The following DMXL2 variants were observed in gnomAD, a reference collection of about 807,000 sequenced individuals.
The protein encoded by DMXL2 is Dmx like 2.
A neutral mutation model predicts 331.1 loss-of-function variants in DMXL2; 103 were observed. The observed-to-expected ratio is 0.31, with a 90% CI of 0.27 to 0.37. The LOEUF (loss-of-function observed/expected upper bound fraction) is 0.37, where lower values mean the gene tolerates loss of function less well. Among genes scored for constraint, DMXL2 ranks in the 10% least tolerant of loss-of-function variants. The pLI, the probability that DMXL2 is intolerant of heterozygous loss-of-function variation, is 1.00. For synonymous variants in DMXL2, 1,281 were observed against 1,252.1 expected (o/e 1.02, Z -0.49); for missense variants, 3,171 against 3,642.9 (o/e 0.87, Z 3.33).
At chr15:51,469,022 C>A (rs1239995697) in intron 29 of DMXL2, among the ~76,000 whole-genome samples, 1 of 151,748 alleles carries the variant, frequency 6.6e-6, no homozygotes, top group African/African-American at 2.4e-5. Context: ...ATATAGCAAC[C>A]ACTTGCAAGG....
chr15:51,536,847 G>T lies in DMXL2; in HGVS notation c.1633C>A (p.Arg545=). 1 of 1,598,288 alleles carries T rather than the reference G, an allele frequency of 6.3e-7. No homozygotes were observed. The highest frequency in any genetic ancestry group is 8.5e-7 in the Non-Finnish European group (1 of 1,175,248). Residue 545 remains arginine (R), a synonymous_variant, in exon 12 of 44, where the codon CGG becomes AGG. Coordinates refer to ENST00000560891, the MANE Select transcript of DMXL2 (RefSeq NM_001378457.1). ...CCAGAGGGAAATGCAACAGGAATCC[G>T]AGAAGAAAAAGAAACCTGAAAAACA... ...FRQVQVSFSS[R]IPVAFPSGDA...
At chr15:51,612,197 T>C (rs776502741) in intron 1 of DMXL2, among the ~76,000 whole-genome samples, 3 of 152,194 alleles carry the variant, frequency 2.0e-5, no homozygotes, top group Non-Finnish European at 2.9e-5. Context: ...CACGTACCAA[T>C]TTAATATACA....
chr15:51,507,815 A>G (rs1364773578), intron 15 of DMXL2, among the ~76,000 whole-genome samples: 1 of 151,962 alleles, frequency 6.6e-6, no homozygotes, highest in Non-Finnish European at 1.5e-5. Flanking sequence ...CAGCATTAAA[A>G]AAAAAAAAAA....
At position 51,456,051 on chromosome 15, in the gene DMXL2, C is replaced by A; in HGVS notation, c.8526+15G>T. The A allele has an allele frequency of 1.2e-6, 2 of 1,612,966 alleles. No individual in the cohort carries two copies. The highest frequency in any genetic ancestry group is 1.7e-6 in the Non-Finnish European group (2 of 1,179,366). The stretch of plus-strand genomic sequence containing the variant: ...TATTTTCAGATGAATTCAGCAGTAG[C>A]CCCCAGAAACTAACCTTGTTGCCTT... On this transcript the variant is annotated intron_variant, in intron 39 of 43. Transcript: ENST00000560891.
intron 25 of DMXL2, among the ~76,000 whole-genome samples, chr15:51,479,274 A>C (rs2041830852): frequency 6.6e-6 from 1 of 152,222 alleles, no homozygotes; most frequent in African/African-American, 2.4e-5. Flanking sequence ...ACAAATAAAA[A>C]ATAAGAAAAC....
At chr15:51,502,145 T>C (rs998231802) in intron 17 of DMXL2, among the ~76,000 whole-genome samples, 8 of 139,380 alleles carry the variant, frequency 5.7e-5, no homozygotes, top group African/African-American at 1.4e-4. Flanking sequence ...GGCAGGAGAA[T>C]GGGTGTGAAC....
rs754547956 is a variant in DMXL2, at chr15:51,536,342, C to G, written c.2138G>C (p.Arg713Pro). ...SKQPLRNAAT[R>P]TFHDPNAIYS... ...GATTGCATTTGGGTCATGAAATGTA[C>G]GAGTTGCTGCATTTCTAAGAGGTTG... Residue 713 changes from arginine to proline, a missense_variant, in exon 12 of 44, where the codon CGT (arginine) becomes CCT (proline). By Grantham distance (103) the Arg-to-Pro change is moderately radical. This residue lies in a region of DMXL2 where 1,674 missense variants were observed against 1,780.2 expected (regional missense o/e 0.94). Transcript: ENST00000560891. The G allele has an allele frequency of 6.2e-7, 1 of 1,613,806 alleles. No homozygotes were observed. Among genetic ancestry groups the G allele is most frequent in the South Asian group, 1.1e-5 (1 of 91,028 alleles).
chr15:51,573,494 C>T (rs1264266174), intron 2 of DMXL2, among the ~76,000 whole-genome samples: 3 of 152,180 alleles, frequency 2.0e-5, no homozygotes, highest in Admixed American at 1.3e-4. Context: ...GGCACATATA[C>T]ACCATGGAAT....
rs573816144 is a variant in DMXL2, at chr15:51,471,412, A to G, written c.7214-11T>C. The G allele has an allele frequency of 7.7e-6, 12 of 1,567,882 alleles. No individual in the cohort carries two copies. The South Asian group carries it at 1.2e-4, about 16-fold the overall frequency. ...AAAGGACAGGAGGTGCTAAATGAAGATAGAAGGAAAAAAAAATCTAGCATT... is the reference window on the plus strand; with the variant it reads ...AAAGGACAGGAGGTGCTAAATGAAGGTAGAAGGAAAAAAAAATCTAGCATT... On this transcript the variant is annotated splice_polypyrimidine_tract_variant and intron_variant, in intron 28 of 43. Transcript: ENST00000560891.
At chr15:51,457,231 T>C (rs1391940488) in intron 37 of DMXL2, 97 bp downstream of exon 37, 1 of 1,297,516 alleles carries the variant, frequency 7.7e-7, no homozygotes, top group Non-Finnish European at 1.1e-6. Flanking sequence ...TACTGGTGTT[T>C]GTCCCTGAAA....
chr15:51,451,690 A>C lies in DMXL2; in HGVS notation c.8704T>G (p.Cys2902Gly). The change falls in exon 42 of 44, where the codon TGC becomes GGC. Residue 2902 changes from cysteine to glycine, a missense_variant. Physicochemically the swap from Cys to Gly is radical, Grantham distance 159. Transcript: ENST00000560891. The stretch of plus-strand genomic sequence containing the variant: ...GGTGATATTAATGTGTCCCAGAGGC[A>C]AACATTTCTTTTAAAGAAACACAAT... ...SGHSNDNRNV[C>G]LWDTLISPGN... 6.2e-7 allele frequency: 1 copy of C among 1,613,006 alleles called. No individual in the cohort carries two copies. Among genetic ancestry groups the C allele is most frequent in the Non-Finnish European group, 8.5e-7 (1 of 1,179,296 alleles).
rs2038870391 is a variant in DMXL2 at position 51,448,585 on chromosome 15, G to A, written c.*399C>T. 4.0e-6 allele frequency: 1 copy of A among 250,526 alleles called. No homozygotes were observed. The highest frequency in any genetic ancestry group is 7.9e-6 in the Non-Finnish European group (1 of 127,054). 15.5% of individuals were successfully genotyped at this position (250,526 alleles called of 1,614,324 possible). A position where few individuals can be genotyped will look rare whatever the true frequency, so the allele number is the denominator to read the frequency against. ...TATGATTATCCTTCATTCAACAGAG[G>A]AGGAGACTGCAGGCATGCTTCAGTC... On this transcript the variant is annotated 3_prime_UTR_variant, in exon 44 of 44. Transcript: ENST00000560891.
At chr15:51,493,394 G>C (rs1418464091) in intron 19 of DMXL2, among the ~76,000 whole-genome samples, 1 of 152,050 alleles carries the variant, frequency 6.6e-6, no homozygotes, top group African/African-American at 2.4e-5. Flanking sequence ...AGAAGAATTA[G>C]GTTCAGAAAG....
chr15:51,511,123 G>A (rs547470256), intron 15 of DMXL2, among the ~76,000 whole-genome samples: 27 of 152,122 alleles, frequency 1.8e-4, no homozygotes, highest in African/African-American at 6.3e-4. Flanking sequence ...CATTCAGGAC[G>A]CAGGCATGGG....
chr15:51,488,423 A>T (rs761545684), intron 21 of DMXL2, 125 bp downstream of exon 21: 82 of 856,730 alleles, frequency 9.6e-5, no homozygotes, highest in Non-Finnish European at 7.2e-5. Flanking sequence ...AGCTAAAGGA[A>T]CCAGGTCGCA....
chr15:51,557,077 G>A (rs1200252117), intron 6 of DMXL2, among the ~76,000 whole-genome samples: 1 of 149,764 alleles, frequency 6.7e-6, no homozygotes, highest in African/African-American at 2.5e-5. Flanking sequence ...TATGAAAAAT[G>A]GGAGAGTTAC....
At chr15:51,599,939 T>C (rs1183911715) in intron 1 of DMXL2, among the ~76,000 whole-genome samples, 3 of 152,226 alleles carry the variant, frequency 2.0e-5, no homozygotes, top group East Asian at 1.9e-4. Flanking sequence ...GACCTCGTGA[T>C]CTGCCCGCCT....
At chr15:51,591,639 G>A (rs2052346972) in intron 1 of DMXL2, among the ~76,000 whole-genome samples, 1 of 152,136 alleles carries the variant, frequency 6.6e-6, no homozygotes, top group African/African-American at 2.4e-5. Flanking sequence ...TCCTCAAGTG[G>A]GTCCCTGACC....
intron 13 of DMXL2, among the ~76,000 whole-genome samples, chr15:51,521,456 GTA>G (rs2047370568): frequency 2.0e-5 from 3 of 149,838 alleles, no homozygotes; most frequent in African/African-American, 7.4e-5. Context: ...AGTAGTAGTA[GTA>G]GTAGTGGTAG....
Sources: gnomAD v4.1 joint callset for allele counts (sites outside exome capture counted in the v4.1 genomes callset) on GRCh38, gnomAD v4.1.1 for gene constraint, gnomAD v4.1.1 regional missense constraint, MANE v1.5 for transcripts, NCBI Gene and HGNC (gene_info 2026-07-23, HGNC 2026-07-21) for gene names.